GRK5: variants seen among roughly 807,000 people sequenced by gnomAD.
GRK5 encodes G protein-coupled receptor kinase 5, also known as g protein-coupled receptor kinase GRK5.
GRK5 carries 40 observed loss-of-function variants against 78.4 expected under a neutral mutation model. The ratio of observed to expected loss-of-function variants is 0.51; its 90% CI spans 0.40 to 0.66. GRK5 has a LOEUF of 0.66. GRK5 is among the 30% of genes least tolerant of loss of function. The probability of loss-of-function intolerance (pLI) is 0.00; values close to 1 mark genes in which losing one functional copy is unlikely to be tolerated. For missense variants in GRK5, 598 were observed against 759.9 expected, an observed-to-expected ratio of 0.79 and a Z score of 2.50; for synonymous variants, 289 against 296.8, an observed-to-expected ratio of 0.97 and a Z score of 0.27.
chr10:119,400,025 C>T (rs989496979), intron 4 of GRK5, among the ~76,000 whole-genome samples: 31 of 152,240 alleles, frequency 2.0e-4, no homozygotes, highest in African/African-American at 7.5e-4. Flanking sequence ...TTGTGTCAGG[C>T]ACCACTGTCT....
At chr10:119,230,209 G>C (rs954345223) in intron 1 of GRK5, among the ~76,000 whole-genome samples, 3 of 152,156 alleles carry the variant, frequency 2.0e-5, no homozygotes, top group Admixed American at 6.5e-5. Context: ...TAGCCGGCCA[G>C]GTACGGTAGC....
chr10:119,290,131 G>C (rs1849923880), intron 1 of GRK5, among the ~76,000 whole-genome samples: 1 of 152,078 alleles, frequency 6.6e-6, no homozygotes, highest in Non-Finnish European at 1.5e-5. Context: ...TGGATTGCCT[G>C]AGCTCAGGAG....
chr10:119,414,923 A>C (rs1297279305), intron 4 of GRK5, among the ~76,000 whole-genome samples: 1 of 151,848 alleles, frequency 6.6e-6, no homozygotes, highest in Non-Finnish European at 1.5e-5. Flanking sequence ...CTCTACTAAA[A>C]ATACAAAAAT....
chr10:119,370,004 C>T (rs1334864489), intron 2 of GRK5, among the ~76,000 whole-genome samples: 1 of 152,114 alleles, frequency 6.6e-6, no homozygotes, highest in Non-Finnish European at 1.5e-5. Context: ...AGGTCACTGC[C>T]GGACTCTGGC....
chr10:119,448,289 C>T, intron 13 of GRK5, 29 bp downstream of exon 13: 1 of 1,574,636 alleles, frequency 6.4e-7, no homozygotes, highest in Non-Finnish European at 8.6e-7. Context: ...CCCCCAGCAG[C>T]TCCCTTCACA....
chr10:119,386,591 C>T (rs1564913738), intron 3 of GRK5, among the ~76,000 whole-genome samples: 2 of 152,198 alleles, frequency 1.3e-5, no homozygotes, highest in Non-Finnish European at 2.9e-5. Context: ...AAATGCTCTT[C>T]ACATCTACCC....
At chr10:119,316,267 C>T (rs533743102) in intron 1 of GRK5, among the ~76,000 whole-genome samples, 22 of 152,192 alleles carry the variant, frequency 1.4e-4, no homozygotes, top group Non-Finnish European at 3.2e-4. Context: ...TGACATGTGG[C>T]CTGGAGAGAA....
rs1343909995 is a variant in GRK5, at chr10:119,443,707, G to A, written c.1221G>A (p.Val407=). 6 of 1,611,936 alleles carry A rather than the reference G, an allele frequency of 3.7e-6. No homozygotes were observed. The African/African-American group carries it at 4.0e-5, about 11-fold the overall frequency. Residue 407 remains valine, a synonymous_variant, in exon 12 of 16, where the codon GTG becomes GTA. Coordinates refer to ENST00000392870, the MANE Select transcript of GRK5 (RefSeq NM_005308.3). ...VDRRVLETEE[V]YSHKFSEEAK... is the part of the protein sequence containing the mutation. ...GCCGGGTCCTGGAGACGGAGGAGGT[G>A]TACTCCCACAAGTTCTCCGAGGAGG...
intron 1 of GRK5, among the ~76,000 whole-genome samples, chr10:119,243,055 A>G (rs1181911972): frequency 1.3e-5 from 2 of 152,210 alleles, no homozygotes; most frequent in African/African-American, 4.8e-5. Context: ...CCTGGCCACC[A>G]TGATGAAACC....
chr10:119,300,208 G>A (rs534261407), intron 1 of GRK5, among the ~76,000 whole-genome samples: 1 of 152,324 alleles, frequency 6.6e-6, no homozygotes, highest in African/African-American at 2.4e-5. Context: ...TTATGAGTTG[G>A]CAAATATGTT....
In GRK5 at chr10:119,335,171, T is replaced by TCTCTCC. The variant is rs1564895396; in HGVS notation, c.148+8562_148+8567dup. ...CTCTCTCTCTCTCTCTCTCTCTCTC[T>TCTCTCC]CTCTCCCCCTCTCCCTCTCCCCCCA... On this transcript the variant is annotated intron_variant, in intron 2 of 15. Coordinates refer to ENST00000392870, the MANE Select transcript of GRK5 (RefSeq NM_005308.3). Among the ~76,000 whole-genome samples the TCTCTCC allele has an allele frequency of 7.1e-5, 9 of 126,968 alleles. 2 individuals carry two copies. The highest frequency in any genetic ancestry group is 1.1e-4 in the Non-Finnish European group (7 of 61,468). 83.3% of individuals were successfully genotyped at this position (126,968 alleles called of 152,430 possible).
intron 1 of GRK5, among the ~76,000 whole-genome samples, chr10:119,245,788 C>T (rs1324905444): frequency 2.6e-5 from 4 of 151,948 alleles, no homozygotes; most frequent in Admixed American, 1.3e-4. Flanking sequence ...GAGGCCGAGG[C>T]GGGCGGATCA....
intron 1 of GRK5, among the ~76,000 whole-genome samples, chr10:119,261,503 C>T (rs868362610): frequency 7.9e-5 from 12 of 151,242 alleles, no homozygotes; most frequent in South Asian, 4.2e-4. Flanking sequence ...GGGTGGCGGC[C>T]GGGCAGAGGC....
In GRK5 at chr10:119,376,977, C is replaced by T. The variant is rs549006184; in HGVS notation, c.149-3838C>T. ...TGTTCTAGAAGAGCAAGTGCGCATGCGCGTGCGTGTGTGTATGTGCGTGCG... is the reference window on the plus strand; with the variant it reads ...TGTTCTAGAAGAGCAAGTGCGCATGTGCGTGCGTGTGTGTATGTGCGTGCG... On this transcript the variant is annotated intron_variant, in intron 2 of 15. Coordinates refer to ENST00000392870, the MANE Select transcript of GRK5 (RefSeq NM_005308.3). Among the ~76,000 whole-genome samples the T allele has an allele frequency of 2.0e-5, 3 of 152,222 alleles. No individual in the cohort carries two copies. In the South Asian group the frequency reaches 6.2e-4, roughly 32 times the overall value.
chr10:119,384,563 C>G (rs1851762396), intron 3 of GRK5, among the ~76,000 whole-genome samples: 1 of 152,234 alleles, frequency 6.6e-6, no homozygotes. Flanking sequence ...TGGAATAGCA[C>G]TGAGGCTCAG....
chr10:119,361,324 C>CT (rs937023647), intron 2 of GRK5, among the ~76,000 whole-genome samples: 3 of 152,238 alleles, frequency 2.0e-5, no homozygotes, highest in African/African-American at 4.8e-5. Context: ...GTGGTCTTCG[C>CT]TGCTTTCTGA....
intron 2 of GRK5, among the ~76,000 whole-genome samples, chr10:119,357,252 T>C (rs1851276950): frequency 6.6e-6 from 1 of 152,196 alleles, no homozygotes; most frequent in African/African-American, 2.4e-5. Flanking sequence ...AAAGATAAAG[T>C]CACAAATGGG....
intron 1 of GRK5, among the ~76,000 whole-genome samples, chr10:119,223,825 G>A (rs931476920): frequency 3.3e-5 from 5 of 151,844 alleles, no homozygotes; most frequent in South Asian, 4.2e-4. Flanking sequence ...TGGAACTAAC[G>A]AGATGCTAAA....
intron 2 of GRK5, among the ~76,000 whole-genome samples, chr10:119,362,761 G>A (rs1851386766): frequency 2.0e-5 from 3 of 152,186 alleles, no homozygotes; most frequent in Admixed American, 2.0e-4. Context: ...AGCCCCATGG[G>A]TCAGACTGAA....
Sources: allele counts gnomAD v4.1 joint callset (sites outside exome capture counted in the v4.1 genomes callset), GRCh38; gene constraint gnomAD v4.1.1; transcripts MANE v1.5; gene names NCBI Gene and HGNC (gene_info 2026-07-23, HGNC 2026-07-21).